Variants in SLC9A9 observed in about 807,000 individuals in gnomAD.
SLC9A9 encodes sodium/hydrogen exchanger 9.
Under a neutral mutation model 77.8 loss-of-function variants are expected in SLC9A9, and 62 were observed. The ratio of observed to expected loss-of-function variants is 0.80; its 90% CI spans 0.65 to 0.98. The LOEUF (loss-of-function observed/expected upper bound fraction) is 0.98, where lower values mean the gene tolerates loss of function less well. Ranked by LOEUF, SLC9A9 falls within the 50% of genes least tolerant of loss-of-function variation. SLC9A9 has a pLI of 0.00. For missense variants in SLC9A9, 775 were observed against 774.9 expected, an observed-to-expected ratio of 1.00 and a Z score of 0.00; for synonymous variants, 320 against 283.5, an observed-to-expected ratio of 1.13 and a Z score of -1.29.
At chr3:143,475,253 C>T (rs2035455267) in intron 11 of SLC9A9, among the ~76,000 whole-genome samples, 1 of 151,840 alleles carries the variant, frequency 6.6e-6, no homozygotes, top group South Asian at 2.1e-4. Flanking sequence ...AGGCGTGAGC[C>T]ACTGTGCCTG....
intron 12 of SLC9A9, among the ~76,000 whole-genome samples, chr3:143,432,127 G>A (rs2034528497): frequency 6.6e-6 from 1 of 151,850 alleles, no homozygotes; most frequent in South Asian, 2.1e-4. Context: ...AATTTCTCAC[G>A]GCTTATTTTC....
intron 11 of SLC9A9, among the ~76,000 whole-genome samples, chr3:143,475,573 A>T (rs371824435): frequency 3.3e-4 from 50 of 152,128 alleles, no homozygotes; most frequent in African/African-American, 1.2e-3. Context: ...CGGGTGGATC[A>T]CGAGGTCAGG....
intron 4 of SLC9A9, among the ~76,000 whole-genome samples, chr3:143,693,655 T>G (rs57769296): frequency 0.43 from 65,213 of 151,812 alleles, 14,157 homozygotes; most frequent in South Asian, 0.6. Context: ...ATTTGTAAAT[T>G]GATTGCTTTT....
intron 9 of SLC9A9, chr3:143,503,973 A>G: frequency 2.5e-6 from 1 of 400,182 alleles, no homozygotes; most frequent in Non-Finnish European, 4.9e-6. Context: ...TAGTTAATAC[A>G]CTGGTGAACT....
chr3:143,342,197 T>G (rs2032122337), intron 14 of SLC9A9: 1 of 152,284 alleles, frequency 6.6e-6, no homozygotes. Context: ...TTCTTATTTT[T>G]TTTTGAGACA....
chr3:143,543,218 G>A (rs2036715914), intron 9 of SLC9A9, among the ~76,000 whole-genome samples: 2 of 152,150 alleles, frequency 1.3e-5, no homozygotes. Flanking sequence ...ACAGTAAAAT[G>A]TTCATCTGGA....
chr3:143,404,226 C>T lies in SLC9A9; in HGVS notation c.1470-22112G>A, dbSNP rs372683211. On this transcript the variant is annotated intron_variant, in intron 12 of 15. Transcript: ENST00000316549. Reference sequence around the variant, plus strand: ...TCTCACTCTGTCACCCAGGCTAGAGCGCAGTGGCGTGATCTGAGCTCACTG... The same window carrying T: ...TCTCACTCTGTCACCCAGGCTAGAGTGCAGTGGCGTGATCTGAGCTCACTG... Among the ~76,000 whole-genome samples the T allele has an allele frequency of 1.5e-4, 23 of 149,326 alleles. No homozygotes were observed. In the South Asian group the frequency reaches 3.8e-3, roughly 25 times the overall value.
At chr3:143,787,811 A>G (rs1223976646) in intron 4 of SLC9A9, among the ~76,000 whole-genome samples, 2 of 151,740 alleles carry the variant, frequency 1.3e-5, no homozygotes, top group South Asian at 2.1e-4. Context: ...AGAAATAGTT[A>G]TAAGGTATAC....
intron 14 of SLC9A9, among the ~76,000 whole-genome samples, chr3:143,318,355 T>C (rs991876198): frequency 8.1e-4 from 124 of 152,330 alleles, no homozygotes; most frequent in African/African-American, 2.8e-3. Flanking sequence ...TAAGCAAGTA[T>C]TTTTGTGTTA....
At chr3:143,421,546 T>C (rs905869543) in intron 12 of SLC9A9, among the ~76,000 whole-genome samples, 5 of 152,234 alleles carry the variant, frequency 3.3e-5, no homozygotes, top group Non-Finnish European at 4.4e-5. Context: ...ACTAGCTACA[T>C]GCAAAAGAAT....
chr3:143,394,817 G>T (rs563797749), intron 12 of SLC9A9, among the ~76,000 whole-genome samples: 23 of 151,802 alleles, frequency 1.5e-4, no homozygotes, highest in Middle Eastern at 3.4e-3. Flanking sequence ...AACAGACAGA[G>T]AGCTAAATCA....
chr3:143,807,078 G>A (rs868173548), intron 2 of SLC9A9, among the ~76,000 whole-genome samples: 4 of 152,300 alleles, frequency 2.6e-5, no homozygotes, highest in South Asian at 2.1e-4. Context: ...AAATGTGACC[G>A]AAACAGGAGA....
At chr3:143,511,185 A>G (rs1179895450) in intron 9 of SLC9A9, among the ~76,000 whole-genome samples, 1 of 152,126 alleles carries the variant, frequency 6.6e-6, no homozygotes, top group East Asian at 1.9e-4. Context: ...GCGGATGATC[A>G]CCCCAAAACA....
chr3:143,266,485 G>C lies in SLC9A9; in HGVS notation c.*217C>G. On this transcript the variant is annotated 3_prime_UTR_variant, in exon 16 of 16. Coordinates refer to ENST00000316549, the MANE Select transcript of SLC9A9 (RefSeq NM_173653.4). ...AGCCAATCCAGTAATCAGAATGGCT[G>C]CTGTCAAAAAACTAAATTCATTTGC... The C allele has an allele frequency of 1.7e-6, 1 of 594,380 alleles. No homozygotes were observed. Among genetic ancestry groups the C allele is most frequent in the African/African-American group, 1.8e-5 (1 of 54,148 alleles). 36.8% of individuals were successfully genotyped at this position (594,380 alleles called of 1,614,324 possible).
At chr3:143,802,677 A>G (rs1036824159) in intron 2 of SLC9A9, among the ~76,000 whole-genome samples, 2 of 152,128 alleles carry the variant, frequency 1.3e-5, no homozygotes, top group Non-Finnish European at 1.5e-5. Flanking sequence ...GGCTCTTGGT[A>G]TTCAGTGGAA....
chr3:143,728,487 G>A (rs958173336), intron 4 of SLC9A9, among the ~76,000 whole-genome samples: 3 of 152,132 alleles, frequency 2.0e-5, no homozygotes, highest in Non-Finnish European at 2.9e-5. Flanking sequence ...GGGGTGAGAG[G>A]GATGGATCAG....
intron 1 of SLC9A9, among the ~76,000 whole-genome samples, chr3:143,840,259 C>A (rs1014745569): frequency 2.6e-5 from 4 of 152,144 alleles, no homozygotes; most frequent in Admixed American, 2.6e-4. Context: ...CAACATAAGT[C>A]CTCACAGTCT....
chr3:143,462,126 G>T (rs2035204385), intron 12 of SLC9A9, among the ~76,000 whole-genome samples: 1 of 152,180 alleles, frequency 6.6e-6, no homozygotes, highest in Non-Finnish European at 1.5e-5. Flanking sequence ...CAGCACTTCG[G>T]AAGTTTGGGG....
chr3:143,725,658 T>G (rs1438819090), intron 4 of SLC9A9, among the ~76,000 whole-genome samples: 1 of 135,924 alleles, frequency 7.4e-6, no homozygotes, highest in Non-Finnish European at 1.6e-5. Flanking sequence ...ACACCGCATG[T>G]TCTCACTCAT....
Sources: allele counts gnomAD v4.1 joint callset (sites outside exome capture counted in the v4.1 genomes callset), GRCh38; gene constraint gnomAD v4.1.1; transcripts MANE v1.5; gene names NCBI Gene and HGNC (gene_info 2026-07-23, HGNC 2026-07-21).